AGMO: variants seen among roughly 807,000 people sequenced by gnomAD.
AGMO encodes the protein glyceryl-ether monooxygenase.
In AGMO, 75 loss-of-function variants were observed where a neutral mutation model predicts 60.2. The ratio of observed to expected loss-of-function variants is 1.25; its 90% CI spans 1.03 to 1.51. AGMO has a LOEUF of 1.51. Ranked by LOEUF, AGMO falls within the 40% of genes most tolerant of loss-of-function variation. The probability of loss-of-function intolerance (pLI) is 0.00; values close to 1 mark genes in which losing one functional copy is unlikely to be tolerated. For synonymous variants in AGMO, 261 were observed against 177.1 expected (o/e 1.47, Z -3.76); for missense variants, 763 against 525.5 (o/e 1.45, Z -4.42).
chr7:15,528,294 T>C (rs1278619001), intron 3 of AGMO, among the ~76,000 whole-genome samples: 2 of 152,160 alleles, frequency 1.3e-5, no homozygotes, highest in African/African-American at 4.8e-5. Context: ...AGTATTAGTA[T>C]AAGCATAAAT....
At chr7:15,318,221 T>C (rs539415991) in intron 12 of AGMO, among the ~76,000 whole-genome samples, 187 of 151,968 alleles carry the variant, frequency 1.2e-3, no homozygotes, top group African/African-American at 4.4e-3. Context: ...GCCAGGCTGG[T>C]CTCGAATCCT....
At position 15,560,128 on chromosome 7, in the gene AGMO, C is replaced by T. The variant is rs112920634; in HGVS notation, c.257+13G>A. Reference sequence around the variant, plus strand: ...CAGTTTTTATGCTCAGCGTTGTTGACCATCTAACTCACCTTGGAAGTCGAG... The same window carrying T: ...CAGTTTTTATGCTCAGCGTTGTTGATCATCTAACTCACCTTGGAAGTCGAG... On this transcript the variant is annotated intron_variant, in intron 2 of 12. Coordinates refer to ENST00000342526, the MANE Select transcript of AGMO (RefSeq NM_001004320.2). 370 of 1,598,176 alleles carry T rather than the reference C, an allele frequency of 2.3e-4. 3 individuals are homozygous for T. In the African/African-American group the frequency reaches 4.2e-3, roughly 18 times the overall value.
the AGMO span, among the ~76,000 whole-genome samples, chr7:15,181,325 A>G: frequency 6.6e-6 from 1 of 152,268 alleles, no homozygotes; most frequent in South Asian, 2.1e-4. Context: ...TAATGCCCAC[A>G]TTTTATTCCT....
chr7:15,151,337 C>T, the AGMO span, among the ~76,000 whole-genome samples: 1 of 151,816 alleles, frequency 6.6e-6, no homozygotes, highest in Admixed American at 6.6e-5. Context: ...GTTCATCGCT[C>T]GTTTTGGTTT....
intron 12 of AGMO, among the ~76,000 whole-genome samples, chr7:15,332,953 G>T (rs901909019): frequency 3.3e-5 from 5 of 152,036 alleles, no homozygotes; most frequent in Non-Finnish European, 5.9e-5. Flanking sequence ...AAATGTATCA[G>T]TTCCTTTGTT....
rs1488438218 is a variant in AGMO at position 15,379,611 on chromosome 7, A to G, written c.1074+5835T>C. Among the ~76,000 whole-genome samples, 6 of 152,116 alleles carry G rather than the reference A, an allele frequency of 3.9e-5. 1 individual carries two copies. Among genetic ancestry groups the G allele is most frequent in the Non-Finnish European group, 8.8e-5 (6 of 68,002 alleles). On this transcript the variant is annotated intron_variant, in intron 10 of 12. Transcript: ENST00000342526. The stretch of plus-strand genomic sequence containing the variant: ...AGCTCTAAAATTGAGGCAGTAACAA[A>G]TAACCTACCAATCAACAAAAGCCCA...
intron 12 of AGMO, chr7:15,306,357 T>A: frequency 3.7e-6 from 1 of 270,136 alleles, no homozygotes; most frequent in Non-Finnish European, 7.7e-6. Context: ...CATTCATGGA[T>A]CAAAAAGACC....
chr7:15,324,310 C>T (rs958753728), intron 12 of AGMO, among the ~76,000 whole-genome samples: 1 of 152,070 alleles, frequency 6.6e-6, no homozygotes, highest in Admixed American at 6.6e-5. Flanking sequence ...CAACCCTGTC[C>T]CCACGTGTTT....
intron 12 of AGMO, among the ~76,000 whole-genome samples, chr7:15,357,228 T>TG (rs1782573059): frequency 2.0e-5 from 3 of 149,604 alleles, no homozygotes; most frequent in Non-Finnish European, 3.0e-5. Context: ...TGTGTGTGTG[T>TG]TTCACCTTGA....
chr7:15,327,927 G>C (rs1202574267), intron 12 of AGMO, among the ~76,000 whole-genome samples: 1 of 149,700 alleles, frequency 6.7e-6, no homozygotes, highest in African/African-American at 2.5e-5. Flanking sequence ...CATGTTGCCG[G>C]GCTAATTTAA....
intron 2 of AGMO, among the ~76,000 whole-genome samples, chr7:15,555,127 T>G (rs1253898809): frequency 1.3e-5 from 2 of 151,634 alleles, no homozygotes; most frequent in Non-Finnish European, 2.9e-5. Context: ...TTTGGCCAGA[T>G]TATACAAAAC....
At chr7:15,477,163 G>C (rs1480595128) in intron 3 of AGMO, among the ~76,000 whole-genome samples, 1 of 151,854 alleles carries the variant, frequency 6.6e-6, no homozygotes, top group Non-Finnish European at 1.5e-5. Flanking sequence ...TCTCAAAATT[G>C]CTCTACGTGT....
the AGMO span, among the ~76,000 whole-genome samples, chr7:15,148,957 C>A: frequency 2.0e-5 from 3 of 152,094 alleles, no homozygotes; most frequent in African/African-American, 7.2e-5. Context: ...TCCCTTTTCT[C>A]CACAATCTCA....
At chr7:15,552,696 A>C (rs1289117986) in intron 2 of AGMO, among the ~76,000 whole-genome samples, 1 of 148,054 alleles carries the variant, frequency 6.8e-6, no homozygotes, top group Non-Finnish European at 1.5e-5. Context: ...GATGTGGAGA[A>C]ATAGGAACAC....
intron 3 of AGMO, among the ~76,000 whole-genome samples, chr7:15,475,633 C>A (rs1002628917): frequency 6.6e-6 from 1 of 151,560 alleles, no homozygotes; most frequent in African/African-American, 2.4e-5. Flanking sequence ...ATGTGTATAC[C>A]TATGTAACAA....
intron 8 of AGMO, among the ~76,000 whole-genome samples, chr7:15,388,745 A>G (rs1436102889): frequency 6.6e-6 from 1 of 152,196 alleles, no homozygotes; most frequent in East Asian, 1.9e-4. Context: ...AGAATAGGTG[A>G]GAAATTTACC....
At chr7:15,238,401 A>T (rs1175386133) in intron 12 of AGMO, among the ~76,000 whole-genome samples, 1 of 151,914 alleles carries the variant, frequency 6.6e-6, no homozygotes, top group Non-Finnish European at 1.5e-5. Context: ...TGAAATAGCT[A>T]GAAGAAAAAA....
intron 5 of AGMO, among the ~76,000 whole-genome samples, chr7:15,411,487 G>A (rs1780603305): frequency 6.6e-6 from 1 of 151,938 alleles, no homozygotes; most frequent in African/African-American, 2.4e-5. Context: ...TTACATTAAT[G>A]AAATGATTTA....
the AGMO span, among the ~76,000 whole-genome samples, chr7:15,171,896 C>T: frequency 6.6e-6 from 1 of 152,146 alleles, no homozygotes; most frequent in Non-Finnish European, 1.5e-5. Context: ...AATGGACTAT[C>T]TCAAAGGTGG....
Sources: gnomAD v4.1 joint callset for allele counts (sites outside exome capture counted in the v4.1 genomes callset) on GRCh38, gnomAD v4.1.1 for gene constraint, MANE v1.5 for transcripts, NCBI Gene and HGNC (gene_info 2026-07-23, HGNC 2026-07-21) for gene names.